The following LTBP1 variants were observed in gnomAD, a reference collection of about 807,000 sequenced individuals.
LTBP1 encodes latent transforming growth factor beta binding protein 1, also known as latent-transforming growth factor beta-binding protein 1.
In LTBP1, 129 loss-of-function variants were observed where a neutral mutation model predicts 207.6. The ratio of observed to expected loss-of-function variants is 0.62; its 90% confidence interval spans 0.54 to 0.72. The LOEUF is 0.72. Ranked by LOEUF, LTBP1 falls within the 30% of genes least tolerant of loss-of-function variation. The pLI, the probability that LTBP1 is intolerant of heterozygous loss-of-function variation, is 0.00. For synonymous variants in LTBP1, 963 were observed against 833.7 expected, an observed-to-expected ratio of 1.16 and a Z score of -2.67; for missense variants, 2,281 against 2,217.2, an observed-to-expected ratio of 1.03 and a Z score of -0.58.
At chr2:33,209,809 A>T (rs1351461394) in intron 7 of LTBP1, among the ~76,000 whole-genome samples, 1 of 152,188 alleles carries the variant, frequency 6.6e-6, no homozygotes, top group Non-Finnish European at 1.5e-5. Context: ...GAAGAGATCT[A>T]ATACAAGCCC....
At chr2:33,010,299 G>T (rs1411168524) in intron 2 of LTBP1, among the ~76,000 whole-genome samples, 2 of 152,220 alleles carry the variant, frequency 1.3e-5, no homozygotes, top group African/African-American at 4.8e-5. Flanking sequence ...AGAGGAAGTG[G>T]CATTACATCA....
chr2:33,170,509 A>C (rs1357037092), intron 5 of LTBP1, among the ~76,000 whole-genome samples: 2 of 152,328 alleles, frequency 1.3e-5, no homozygotes, highest in African/African-American at 4.8e-5. Context: ...TGGAAGCTCG[A>C]ACTGGGTGGA....
At chr2:33,179,532 T>C (rs1216757394) in intron 5 of LTBP1, among the ~76,000 whole-genome samples, 1 of 152,138 alleles carries the variant, frequency 6.6e-6, no homozygotes, top group Non-Finnish European at 1.5e-5. Flanking sequence ...ATTTTCTCTT[T>C]GGAACTCTGT....
chr2:33,072,135 A>C (rs139820745), intron 3 of LTBP1, among the ~76,000 whole-genome samples: 67 of 152,280 alleles, frequency 4.4e-4, no homozygotes, highest in African/African-American at 1.5e-3. Context: ...GGGTTTGACT[A>C]ATTTGCTAGA....
chr2:33,350,635 G>C (rs956109093), intron 26 of LTBP1, among the ~76,000 whole-genome samples: 11 of 152,092 alleles, frequency 7.2e-5, no homozygotes, highest in African/African-American at 2.7e-4. Flanking sequence ...TACTGCCTGG[G>C]CCTTTGGCCA....
intron 2 of LTBP1, among the ~76,000 whole-genome samples, chr2:33,014,652 CT>C (rs2149137698): frequency 6.6e-6 from 1 of 152,264 alleles, no homozygotes; most frequent in East Asian, 1.9e-4. Flanking sequence ...CTAAGGGTTA[CT>C]TTTTTAGAAT....
intron 2 of LTBP1, among the ~76,000 whole-genome samples, chr2:32,965,943 C>T (rs993959334): frequency 7.2e-5 from 11 of 152,156 alleles, no homozygotes; most frequent in Non-Finnish European, 1.3e-4. Flanking sequence ...TTTGCAGTCC[C>T]ACCAGCAACA....
At chr2:33,296,696 A>AAT (rs991216244) in intron 20 of LTBP1, among the ~76,000 whole-genome samples, 2 of 152,064 alleles carry the variant, frequency 1.3e-5, no homozygotes, top group Non-Finnish European at 2.9e-5. Flanking sequence ...CCAAGATTAT[A>AAT]ATATATATAT....
At chr2:33,094,444 T>G (rs997393111) in intron 3 of LTBP1, among the ~76,000 whole-genome samples, 1 of 152,252 alleles carries the variant, frequency 6.6e-6, no homozygotes, top group African/African-American at 2.4e-5. Flanking sequence ...GTTATTTAAT[T>G]TCTTTTGCAA....
rs145637060 is a variant in LTBP1, at chr2:32,989,860, C to T, written c.566-31049C>T. ...GTAAATGGGGGTAATATGGTACCTA[C>T]GGCAAAGGTAGTAGGTAACTAAATA... On this transcript the variant is annotated intron_variant, in intron 2 of 33. Transcript: ENST00000404816. Among the ~76,000 whole-genome samples the T allele has an allele frequency of 6.6e-5, 10 of 152,286 alleles. No homozygotes were observed. The East Asian group carries it at 1.5e-3, about 23-fold the overall frequency.
At chr2:33,277,821 CTTTCTTTCTTTTT>C (rs1360176036) in intron 18 of LTBP1, among the ~76,000 whole-genome samples, 3 of 89,158 alleles carry the variant, frequency 3.4e-5, no homozygotes, top group Middle Eastern at 5.4e-3. Context: ...TTTTTTCTTT[CTTTCTTTCTTTTT>C]TTTTTTTTTT....
chr2:33,354,595 A>G (rs900999878), intron 26 of LTBP1, among the ~76,000 whole-genome samples: 16 of 152,058 alleles, frequency 1.1e-4, no homozygotes, highest in Admixed American at 9.8e-4. Context: ...TGCTATAGAT[A>G]GTACCTAAAG....
Position 33,134,372 on chromosome 2 carries a change from A to T in LTBP1, c.1034-421A>T, listed in dbSNP as rs529047528. 3 of 476,920 alleles carry T rather than the reference A, an allele frequency of 6.3e-6. No homozygotes were observed. Among genetic ancestry groups the T allele is most frequent in the Non-Finnish European group, 1.3e-5 (3 of 233,482 alleles). The allele number at this position is 476,920 out of a possible 1,614,324, so 29.5% of individuals were successfully genotyped here. On this transcript the variant is annotated intron_variant, in intron 4 of 33. Coordinates refer to ENST00000404816, the MANE Select transcript of LTBP1 (RefSeq NM_206943.4). This position sits in a 1 kb window ranked among gnomAD's most constrained non-coding sequence, Gnocchi z 4.4. ...AACAGGGAAAGTATGCAAGTTGAGG[A>T]CACAAGAGTTTATTCACCGCTAGGT...
rs556636770 is a variant in LTBP1, at chr2:33,315,891, G to A, written c.3730+622G>A. On this transcript the variant is annotated intron_variant, in intron 24 of 33. Coordinates refer to ENST00000404816, the MANE Select transcript of LTBP1 (RefSeq NM_206943.4). ...GGCAGAGGCTGCCGTGAGCCGAGATGGCACCATTGCACTCCAGCCTGGGCG... is the reference window on the plus strand; with the variant it reads ...GGCAGAGGCTGCCGTGAGCCGAGATAGCACCATTGCACTCCAGCCTGGGCG... Among the ~76,000 whole-genome samples the A allele has an allele frequency of 5.3e-4, 80 of 152,192 alleles. No homozygotes were observed. In the South Asian group the frequency reaches 8.5e-3, roughly 16 times the overall value.
At chr2:33,354,680 C>CTA (rs1491466208) in intron 26 of LTBP1, among the ~76,000 whole-genome samples, 1 of 119,254 alleles carries the variant, frequency 8.4e-6, no homozygotes. Flanking sequence ...CAAACTAAAA[C>CTA]TATACACACA....
intron 2 of LTBP1, among the ~76,000 whole-genome samples, chr2:33,011,362 G>C (rs575597741): frequency 2.6e-5 from 4 of 152,268 alleles, no homozygotes; most frequent in African/African-American, 9.6e-5. Context: ...TTCTTCTATA[G>C]AAGTCCTAAT....
At chr2:33,064,361 A>T (rs192112156) in intron 3 of LTBP1, among the ~76,000 whole-genome samples, 4 of 152,344 alleles carry the variant, frequency 2.6e-5, no homozygotes, top group African/African-American at 7.2e-5. Flanking sequence ...GCAGGCTAAA[A>T]AGTTAGCCTC....
At chr2:33,199,056 A>G (rs2088900942) in intron 7 of LTBP1, among the ~76,000 whole-genome samples, 1 of 151,832 alleles carries the variant, frequency 6.6e-6, no homozygotes, top group African/African-American at 2.4e-5. Flanking sequence ...ATTTCCCTCT[A>G]CACACTGCTT....
intron 31 of LTBP1, among the ~76,000 whole-genome samples, chr2:33,374,308 C>A (rs544204200): frequency 3.5e-4 from 53 of 152,194 alleles, no homozygotes; most frequent in Non-Finnish European, 7.2e-4. Flanking sequence ...TTGGTCCTGG[C>A]TCTGTGACAT....
Sources: gnomAD v4.1 joint callset for allele counts (sites outside exome capture counted in the v4.1 genomes callset) on GRCh38, gnomAD v4.1.1 for gene constraint, Gnocchi (gnomAD v3.1) non-coding constraint, MANE v1.5 for transcripts, NCBI Gene and HGNC (gene_info 2026-07-23, HGNC 2026-07-21) for gene names.